Variants in ADAM32 observed in about 807,000 individuals in gnomAD.
ADAM32 encodes disintegrin and metalloproteinase domain-containing protein 32.
Under a neutral mutation model 114.9 loss-of-function variants are expected in ADAM32, and 89 were observed. The ratio of observed to expected loss-of-function variants is 0.77; its 90% CI spans 0.65 to 0.92. The LOEUF (loss-of-function observed/expected upper bound fraction) is 0.92, where lower values mean the gene tolerates loss of function less well. Among genes scored for constraint, ADAM32 ranks in the 40% least tolerant of loss-of-function variants. The pLI is 0.00. For missense variants in ADAM32, 870 were observed against 932.8 expected (o/e 0.93, Z 0.88); for synonymous variants, 285 against 307.5 (o/e 0.93, Z 0.77).
At chr8:39,124,414 C>CTTTT (rs57362503) in intron 2 of ADAM32, among the ~76,000 whole-genome samples, 3 of 136,672 alleles carry the variant, frequency 2.2e-5, no homozygotes, top group South Asian at 2.3e-4. Flanking sequence ...TTTTCTTTTT[C>CTTTT]TTTTTTTTTT....
At chr8:39,219,628 G>A (rs1808817740) in intron 12 of ADAM32, among the ~76,000 whole-genome samples, 1 of 152,124 alleles carries the variant, frequency 6.6e-6, no homozygotes, top group African/African-American at 2.4e-5. Flanking sequence ...TGCTGCTGGG[G>A]GATAAGGGAT....
intron 10 of ADAM32, among the ~76,000 whole-genome samples, chr8:39,172,098 C>T (rs945574321): frequency 6.6e-6 from 1 of 151,618 alleles, no homozygotes; most frequent in Non-Finnish European, 1.5e-5. Flanking sequence ...GACAGTAAAG[C>T]TTTGATGGTC....
At chr8:39,255,523 T>C (rs1374909015) in intron 18 of ADAM32, among the ~76,000 whole-genome samples, 1 of 152,128 alleles carries the variant, frequency 6.6e-6, no homozygotes, top group East Asian at 1.9e-4. Context: ...CATTTGTATA[T>C]CTTCTTTTGA....
At chr8:39,258,659 T>A (rs76705014) in intron 19 of ADAM32, among the ~76,000 whole-genome samples, 4,128 of 152,300 alleles carry the variant, frequency 0.027, 215 homozygotes, top group African/African-American at 0.094. Context: ...AAGCTTGATA[T>A]GTGTCCTCCA....
At chr8:39,204,121 G>T (rs1471505621) in intron 11 of ADAM32, among the ~76,000 whole-genome samples, 2 of 152,042 alleles carry the variant, frequency 1.3e-5, no homozygotes, top group Non-Finnish European at 2.9e-5. Context: ...TGGAGTTGCT[G>T]TTCTCAAGGA....
intron 3 of ADAM32, among the ~76,000 whole-genome samples, chr8:39,140,680 G>A (rs1161821148): frequency 6.6e-6 from 1 of 152,160 alleles, no homozygotes; most frequent in Non-Finnish European, 1.5e-5. Context: ...AATGAGTCAG[G>A]GAGGATTCCC....
intron 9 of ADAM32, chr8:39,168,532 T>G (rs967696499): frequency 2.0e-5 from 3 of 152,226 alleles, no homozygotes; most frequent in Non-Finnish European, 4.4e-5. Flanking sequence ...GAGTTGGTCA[T>G]GACCCTCAGG....
At chr8:39,177,061 C>CT (rs138755208) in intron 10 of ADAM32, among the ~76,000 whole-genome samples, 151 of 142,940 alleles carry the variant, frequency 1.1e-3, no homozygotes, top group Middle Eastern at 3.5e-3. Context: ...TCATCTCCTC[C>CT]TTTTTTTTTT....
chr8:39,233,921 G>C lies in ADAM32; in HGVS notation c.1657G>C (p.Val553Leu). 6.4e-7 allele frequency: 1 copy of C among 1,560,648 alleles called. No individual in the cohort carries two copies. The highest frequency in any genetic ancestry group is 8.7e-7 in the Non-Finnish European group (1 of 1,154,290). The change falls in exon 16 of 25, where the codon GTT becomes CTT. Residue 553 changes from valine (V) to leucine (L), a missense_variant. Transcript: ENST00000379907. ...GWRNLICGRLVCTYPTRKPFH... is the reference protein window; with the variant it reads ...GWRNLICGRLLCTYPTRKPFH... Reference sequence around the variant, plus strand: ...CAGGAATCTTATATGTGGAAGATTAGTTTGTACCTACCCTACTCGAAAGCC... The same window carrying C: ...CAGGAATCTTATATGTGGAAGATTACTTTGTACCTACCCTACTCGAAAGCC...
In ADAM32 at chr8:39,159,828, A is replaced by G. The variant is rs146335468; in HGVS notation, c.526-1069A>G. On this transcript the variant is annotated intron_variant, in intron 6 of 24. Coordinates refer to ENST00000379907, the MANE Select transcript of ADAM32 (RefSeq NM_145004.7). ...CAAATTTGGTATTTCTTCCTCTGGC[A>G]CGGGAAAGCCACACCAGGAATATGG... Among the ~76,000 whole-genome samples, 715 of 152,262 alleles carry G rather than the reference A, an allele frequency of 4.7e-3. 12 individuals carry two copies. The highest frequency in any genetic ancestry group is 0.017 in the African/African-American group (689 of 41,566).
intron 1 of ADAM32, among the ~76,000 whole-genome samples, chr8:39,117,852 T>G (rs1166185897): frequency 6.6e-6 from 1 of 152,134 alleles, no homozygotes; most frequent in Non-Finnish European, 1.5e-5. Flanking sequence ...GTATTTTCTA[T>G]TTTCTTCAGA....
intron 19 of ADAM32, among the ~76,000 whole-genome samples, chr8:39,259,555 A>G (rs1811887258): frequency 6.6e-6 from 1 of 152,256 alleles, no homozygotes; most frequent in East Asian, 1.9e-4. Context: ...TAATCATTAC[A>G]TATAGTCTTC....
At chr8:39,128,516 A>G (rs889965249) in intron 2 of ADAM32, among the ~76,000 whole-genome samples, 2 of 152,182 alleles carry the variant, frequency 1.3e-5, no homozygotes, top group African/African-American at 4.8e-5. Flanking sequence ...GCCCATTAAC[A>G]TTTAATGTTA....
At chr8:39,275,315 C>A (rs938691146) in intron 21 of ADAM32, among the ~76,000 whole-genome samples, 1 of 152,354 alleles carries the variant, frequency 6.6e-6, no homozygotes, top group Non-Finnish European at 1.5e-5. Context: ...AATTCTCTCT[C>A]TCTCTGTTAC....
At chr8:39,193,873 A>G (rs1806766722) in intron 11 of ADAM32, among the ~76,000 whole-genome samples, 2 of 152,104 alleles carry the variant, frequency 1.3e-5, no homozygotes, top group Admixed American at 1.3e-4. Flanking sequence ...GCTTCTGTGG[A>G]GGAGCCATGG....
intron 23 of ADAM32, among the ~76,000 whole-genome samples, chr8:39,282,343 T>C (rs1564750067): frequency 6.6e-6 from 1 of 152,226 alleles, no homozygotes; most frequent in Non-Finnish European, 1.5e-5. Context: ...TATGCACATA[T>C]AATTCTTAGT....
chr8:39,159,646 A>G (rs1030101621), intron 6 of ADAM32, among the ~76,000 whole-genome samples: 3 of 152,158 alleles, frequency 2.0e-5, no homozygotes, highest in African/African-American at 7.2e-5. Flanking sequence ...GGCTGCAGCC[A>G]GTGTATTTGC....
chr8:39,130,245 G>C (rs890462577), intron 2 of ADAM32: 2 of 153,180 alleles, frequency 1.3e-5, no homozygotes, highest in African/African-American at 4.8e-5. Flanking sequence ...AGGGACAGTA[G>C]AGAAGTACCT....
At chr8:39,199,669 T>C (rs991514802) in intron 11 of ADAM32, among the ~76,000 whole-genome samples, 1 of 152,060 alleles carries the variant, frequency 6.6e-6, no homozygotes. Flanking sequence ...ATGTGAACAA[T>C]GTGCAGGTTT....
Sources: gnomAD v4.1 joint callset for allele counts (sites outside exome capture counted in the v4.1 genomes callset) on GRCh38, gnomAD v4.1.1 for gene constraint, MANE v1.5 for transcripts, NCBI Gene and HGNC (gene_info 2026-07-23, HGNC 2026-07-21) for gene names.